ERG: variants seen among roughly 807,000 people sequenced by gnomAD.
ERG encodes the protein transcriptional regulator ERG.
In ERG, 9 loss-of-function variants were observed where a neutral mutation model predicts 55.3. The observed-to-expected ratio is 0.16, with a 90% CI of 0.10 to 0.28. The LOEUF is 0.28. Ranked by LOEUF, ERG falls within the 10% of genes least tolerant of loss-of-function variation. ERG has a pLI of 1.00. For missense variants in ERG, 434 were observed against 631.6 expected (o/e 0.69, Z 3.35); for synonymous variants, 223 against 237.3 (o/e 0.94, Z 0.55).
chr21:38,553,376 C>T (rs1298958191), intron 2 of ERG, among the ~76,000 whole-genome samples: 1 of 152,094 alleles, frequency 6.6e-6, no homozygotes, highest in African/African-American at 2.4e-5. Flanking sequence ...GCCTAAATAG[C>T]CAAAGCAATT....
chr21:38,477,834 T>C (rs1263288994), intron 1 of ERG, among the ~76,000 whole-genome samples: 1 of 152,218 alleles, frequency 6.6e-6, no homozygotes, highest in African/African-American at 2.4e-5. Flanking sequence ...ACCTCTATGT[T>C]ACTGACCTGT....
rs138544359 is a variant in ERG, at chr21:38,647,104, C to T, written c.-150+14554G>A. On this transcript the variant is annotated intron_variant, in intron 1 of 10. Coordinates refer to the ERG transcript ENST00000398910. ...TCATACGTGGAAAACATGTGGTCAG[C>T]GATTCGGCATGTTTAATGGTGCTTG... Among the ~76,000 whole-genome samples, 405 of 152,248 alleles carry T rather than the reference C, an allele frequency of 2.7e-3. 1 individual carries two copies. The highest frequency in any genetic ancestry group is 9.0e-3 in the African/African-American group (374 of 41,534).
chr21:38,383,540 G>C lies in ERG; in HGVS notation c.1303C>G (p.Pro435Ala). Reference sequence around the variant, plus strand: ...GAAGATGTCACGGGGAGGGCTGGAGGGTGGGGCGCCACAAAGTTCATCTTC... The same window carrying C: ...GAAGATGTCACGGGGAGGGCTGGAGCGTGGGGCGCCACAAAGTTCATCTTC... ...PQKMNFVAPH[P>A]PALPVTSSSF... Residue 435 changes from proline to alanine, a missense_variant, in exon 10 of 10, where the codon CCT (proline) becomes GCT (alanine). By Grantham distance (27) the Pro-to-Ala change is conservative (BLOSUM62 -1). Coordinates refer to ENST00000288319, the MANE Select transcript of ERG (RefSeq NM_182918.4). The surrounding 1 kb of genome is among the most constrained non-coding windows in gnomAD (Gnocchi z 5.7). The C allele has an allele frequency of 6.3e-7, 1 of 1,582,850 alleles. No homozygotes were observed. The highest frequency in any genetic ancestry group is 8.6e-7 in the Non-Finnish European group (1 of 1,160,930).
At chr21:38,530,091 G>T (rs1201788953) in intron 2 of ERG, among the ~76,000 whole-genome samples, 2 of 152,104 alleles carry the variant, frequency 1.3e-5, no homozygotes. Flanking sequence ...ACAGAGTCTT[G>T]CTCTGTTGCC....
chr21:38,381,621 TAC>T lies in ERG; in HGVS notation c.*1780_*1781del. On this transcript the variant is annotated 3_prime_UTR_variant, in exon 10 of 10. Coordinates refer to ENST00000288319, the MANE Select transcript of ERG (RefSeq NM_182918.4). ...ATGACGCTTTATTTGCCAGTAATAA[TAC>T]AGTTTGCCTTACGAGTGGTAGCTTG... The T allele has an allele frequency of 2.5e-5, 27 of 1,063,380 alleles. No individual in the cohort carries two copies. The highest frequency in any genetic ancestry group is 3.1e-5 in the Non-Finnish European group (27 of 878,052). The allele number at this position is 1,063,380 out of a possible 1,614,324, so 65.9% of individuals were successfully genotyped here. A position where few individuals can be genotyped will look rare whatever the true frequency, so the allele number is the denominator to read the frequency against.
exon 2 of ERG, chr21:38,575,740 C>A (rs1214410967): frequency 6.2e-7 from 1 of 1,612,786 alleles, no homozygotes; most frequent in Non-Finnish European, 8.5e-7. Flanking sequence ...CTGTTCAGAA[C>A]CTGACGGCTA....
chr21:38,488,325 T>C (rs2059305519), intron 1 of ERG, among the ~76,000 whole-genome samples: 1 of 152,192 alleles, frequency 6.6e-6, no homozygotes, highest in Non-Finnish European at 1.5e-5. Flanking sequence ...GGTTTCCGTG[T>C]GTACAGTGTG....
upstream of ERG, among the ~76,000 whole-genome samples, chr21:38,587,381 C>T (rs974576088): frequency 7.6e-5 from 11 of 144,898 alleles, no homozygotes; most frequent in African/African-American, 1.8e-4. Context: ...TTTTTTGAGA[C>T]GGAGTCTCGC....
intron 1 of ERG, among the ~76,000 whole-genome samples, chr21:38,470,007 C>G (rs1456892802): frequency 6.6e-6 from 1 of 152,170 alleles, no homozygotes; most frequent in Non-Finnish European, 1.5e-5. Flanking sequence ...GTTTATGCAT[C>G]TACCTCAGGC....
chr21:38,597,955 G>A (rs753259110), intron 1 of ERG, among the ~76,000 whole-genome samples: 3 of 152,156 alleles, frequency 2.0e-5, no homozygotes, highest in African/African-American at 4.8e-5. Flanking sequence ...CTGAGAGTTC[G>A]TTAATAAGCA....
At chr21:38,596,972 T>C (rs576836479) in intron 1 of ERG, among the ~76,000 whole-genome samples, 1 of 152,326 alleles carries the variant, frequency 6.6e-6, no homozygotes, top group East Asian at 1.9e-4. Flanking sequence ...GCACTGAGAC[T>C]CTTGTGTAGG....
chr21:38,643,384 C>T (rs2836582), intron 1 of ERG, among the ~76,000 whole-genome samples: 29,424 of 152,160 alleles, frequency 0.19, 3,135 homozygotes, highest in Non-Finnish European at 0.24. Flanking sequence ...CCCACGTGCA[C>T]CCCATGACAC....
intron 1 of ERG, among the ~76,000 whole-genome samples, chr21:38,469,178 T>G (rs2146616860): frequency 6.6e-6 from 1 of 152,072 alleles, no homozygotes; most frequent in East Asian, 1.9e-4. Context: ...TCCAAGCAAC[T>G]TATGCTAAAG....
intron 2 of ERG, among the ~76,000 whole-genome samples, chr21:38,549,559 T>C (rs1307822975): frequency 6.6e-6 from 1 of 152,214 alleles, no homozygotes; most frequent in East Asian, 1.9e-4. Context: ...TTATTATTTG[T>C]TTTGCATTTA....
rs1175840400 is a variant in ERG at position 38,382,285 on chromosome 21, C to T, written c.*1118G>A. 2.4e-5 allele frequency: 25 copies of T among 1,053,444 alleles called. No individual in the cohort carries two copies. The highest frequency in any genetic ancestry group is 5.5e-5 in the Admixed American group (1 of 18,270). The allele number at this position is 1,053,444 out of a possible 1,614,324, so 65.3% of individuals were successfully genotyped here. A position where few individuals can be genotyped will look rare whatever the true frequency, so the allele number is the denominator to read the frequency against. ...TTCATTCTGACAAACGCACAGCGTT[C>T]GCGACTCAAAGGAAAACTGGAGGCC... On this transcript the variant is annotated 3_prime_UTR_variant, in exon 10 of 10. Coordinates refer to ENST00000288319, the MANE Select transcript of ERG (RefSeq NM_182918.4).
chr21:38,532,169 C>T (rs986576270), intron 2 of ERG, among the ~76,000 whole-genome samples: 1 of 152,120 alleles, frequency 6.6e-6, no homozygotes, highest in African/African-American at 2.4e-5. Flanking sequence ...ACCCTCATTC[C>T]GTTACTCACA....
chr21:38,505,949 C>T (rs2059457390), intron 2 of ERG, among the ~76,000 whole-genome samples: 1 of 151,956 alleles, frequency 6.6e-6, no homozygotes, highest in South Asian at 2.1e-4. Flanking sequence ...CTTGAATTGA[C>T]ATTATTTTAC....
intron 1 of ERG, among the ~76,000 whole-genome samples, chr21:38,632,743 C>G (rs1233425552): frequency 2.0e-5 from 3 of 152,174 alleles, no homozygotes; most frequent in Admixed American, 6.5e-5. Context: ...ATAAATTACC[C>G]AGTCTTGAGT....
chr21:38,479,248 A>C lies in ERG; in HGVS notation c.18+19115T>G, dbSNP rs1264863718. Among the ~76,000 whole-genome samples the C allele has an allele frequency of 2.0e-5, 3 of 152,200 alleles. No individual in the cohort carries two copies. The South Asian group carries it at 6.2e-4, about 31-fold the overall frequency. ...ATTTATACTTAAGTATGAGTGTAAC[A>C]ATCTTGCCATCAGGACCTGGTCTGT... On this transcript the variant is annotated intron_variant, in intron 1 of 9. Coordinates refer to ENST00000288319, the MANE Select transcript of ERG (RefSeq NM_182918.4).
Sources: allele counts gnomAD v4.1 joint callset (sites outside exome capture counted in the v4.1 genomes callset), GRCh38; gene constraint gnomAD v4.1.1; non-coding constraint Gnocchi (gnomAD v3.1); transcripts MANE v1.5; gene names NCBI Gene and HGNC (gene_info 2026-07-23, HGNC 2026-07-21).